The following KLHDC1 variants were observed in gnomAD, a reference collection of about 807,000 sequenced individuals.
KLHDC1 encodes the protein kelch domain containing 1.
KLHDC1 carries 53 observed loss-of-function variants against 68.3 expected under a neutral mutation model. The observed-to-expected ratio is 0.78, with a 90% CI of 0.62 to 0.98. The LOEUF is 0.98. KLHDC1 is among the 50% of genes least tolerant of loss of function. KLHDC1 has a pLI of 0.00. For synonymous variants in KLHDC1, 148 were observed against 159.0 expected (o/e 0.93, Z 0.52); for missense variants, 470 against 492.3 (o/e 0.95, Z 0.43).
At chr14:49,700,066 GC>G in intron 1 of KLHDC1, 1 of 314,394 alleles carries the variant, frequency 3.2e-6, no homozygotes, top group South Asian at 2.3e-5. Context: ...TCTCGCTCTT[GC>G]CCAGGCTGGA....
intron 8 of KLHDC1, among the ~76,000 whole-genome samples, chr14:49,731,526 A>G (rs78258567): frequency 0.037 from 5,684 of 151,834 alleles, 161 homozygotes; most frequent in Non-Finnish European, 0.056. Flanking sequence ...CTGGAATGCA[A>G]TGGCGCGACC....
chr14:49,697,258 A>G (rs912349082), intron 1 of KLHDC1, among the ~76,000 whole-genome samples: 7 of 152,146 alleles, frequency 4.6e-5, no homozygotes, highest in African/African-American at 1.7e-4. Flanking sequence ...ATATTGTTGT[A>G]TCTGAGGGAA....
intron 8 of KLHDC1, 32 bp downstream of exon 8, chr14:49,729,580 A>G (rs1249014196): frequency 5.6e-6 from 8 of 1,436,850 alleles, no homozygotes; most frequent in African/African-American, 1.4e-5. Flanking sequence ...GTTTTAATCT[A>G]TAGGCATGTG....
rs1331861404 is a variant in KLHDC1, at chr14:49,732,812, A to G, written c.819A>G (p.Pro273=). The G allele has an allele frequency of 4.9e-6, 7 of 1,416,390 alleles. No homozygotes were observed. The highest frequency in any genetic ancestry group is 2.8e-5 in the African/African-American group (2 of 70,968). The allele number at this position is 1,416,390 out of a possible 1,614,324, so 87.7% of individuals were successfully genotyped here. Residue 273 remains proline, a synonymous_variant, in exon 9 of 13, where the codon CCA becomes CCG. Coordinates refer to ENST00000359332, the MANE Select transcript of KLHDC1 (RefSeq NM_172193.3). ...LCGGLSADNI[P]LSDGWIHNVT... is the part of the protein sequence containing the mutation. ...GTGGACTAAGTGCAGATAATATCCC[A>G]TTAAGTAAGTTGATTAAGGTTTAGC... is the stretch of plus-strand genomic sequence containing the variant.
chr14:49,709,825 G>A lies in KLHDC1; in HGVS notation c.284G>A (p.Arg95Gln), dbSNP rs1457189831. The A allele has an allele frequency of 4.7e-6, 7 of 1,500,234 alleles. No homozygotes were observed. The highest frequency in any genetic ancestry group is 6.4e-6 in the Non-Finnish European group (7 of 1,099,834). 92.9% of individuals were successfully genotyped at this position (1,500,234 alleles called of 1,614,324 possible). Residue 95 changes from arginine (R) to glutamine (Q), a missense_variant and splice_region_variant, in exon 3 of 13, where the codon CGA becomes CAA. Physicochemically the swap from Arg to Gln is conservative, Grantham distance 43. Transcript: ENST00000359332. ...TATGATGACAAAGGATACAGCAATCGAGTAATAATTTCTTTAATTCAAGAG... is the reference window on the plus strand; with the variant it reads ...TATGATGACAAAGGATACAGCAATCAAGTAATAATTTCTTTAATTCAAGAG... ...GGYDDKGYSNRLYFVNLRTRD... is the reference protein window; with the variant it reads ...GGYDDKGYSNQLYFVNLRTRD...
At position 49,753,144 on chromosome 14, in the gene KLHDC1, CA is replaced by C. The variant is rs1340395918; in HGVS notation, c.*1378del. The C allele has an allele frequency of 1.3e-5, 2 of 151,938 alleles. No individual in the cohort carries two copies. Among genetic ancestry groups the C allele is most frequent in the Non-Finnish European group, 2.9e-5 (2 of 67,994 alleles). 9.4% of individuals were successfully genotyped at this position (151,938 alleles called of 1,614,324 possible). A position where few individuals can be genotyped will look rare whatever the true frequency, so the allele number is the denominator to read the frequency against. On this transcript the variant is annotated 3_prime_UTR_variant, in exon 13 of 13. Coordinates refer to ENST00000359332, the MANE Select transcript of KLHDC1 (RefSeq NM_172193.3). ...AAAGCAGTCATTAGAATTGATTATA[CA>C]AAAAATATTTCATTGTCAGTTTTCA... is the stretch of plus-strand genomic sequence containing the variant.
At chr14:49,716,672 C>A (rs1031501594) in intron 4 of KLHDC1, among the ~76,000 whole-genome samples, 8 of 152,158 alleles carry the variant, frequency 5.3e-5, no homozygotes, top group Non-Finnish European at 7.4e-5. Context: ...GCATGAGATA[C>A]CACGCCCGGC....
At chr14:49,750,953 T>A (rs2139773957) in intron 12 of KLHDC1, 1 of 152,232 alleles carries the variant, frequency 6.6e-6, no homozygotes, top group East Asian at 1.9e-4. Flanking sequence ...CGTGCAGTTG[T>A]TTATGGAAGA....
chr14:49,708,450 A>G (rs753549597), intron 1 of KLHDC1: 3 of 152,192 alleles, frequency 2.0e-5, no homozygotes, highest in Non-Finnish European at 4.4e-5. Flanking sequence ...TTTATGTAAA[A>G]ATTTATTTTA....
intron 1 of KLHDC1, among the ~76,000 whole-genome samples, chr14:49,693,970 T>G (rs1887659067): frequency 6.6e-6 from 1 of 151,884 alleles, no homozygotes; most frequent in Admixed American, 6.6e-5. Context: ...CAGGCTGGTC[T>G]TGAACTCGCG....
intron 1 of KLHDC1, chr14:49,707,682 CCT>C (rs1218135402): frequency 3.8e-4 from 50 of 130,100 alleles, no homozygotes; most frequent in African/African-American, 1.4e-3. Context: ...GCAGGGTCTG[CCT>C]CTGTCGCCCA....
chr14:49,718,392 C>T (rs118056915), intron 4 of KLHDC1, among the ~76,000 whole-genome samples: 2,486 of 152,114 alleles, frequency 0.016, 21 homozygotes, highest in Non-Finnish European at 0.026. Flanking sequence ...GTGATTCTCC[C>T]ACCTCAGCCT....
At chr14:49,698,722 G>A (rs944798874) in intron 1 of KLHDC1, among the ~76,000 whole-genome samples, 1 of 151,066 alleles carries the variant, frequency 6.6e-6, no homozygotes. Flanking sequence ...TGCCATGTTG[G>A]CCAGGCTGGT....
chr14:49,733,672 C>T (rs1039510464), intron 9 of KLHDC1, among the ~76,000 whole-genome samples: 2 of 152,142 alleles, frequency 1.3e-5, no homozygotes, highest in African/African-American at 4.8e-5. Context: ...CCACCCGCCT[C>T]AGCCTCCCAA....
chr14:49,750,404 C>A (rs1161268101), intron 12 of KLHDC1, among the ~76,000 whole-genome samples: 4 of 152,122 alleles, frequency 2.6e-5, no homozygotes, highest in African/African-American at 9.7e-5. Flanking sequence ...GGAGAGTTTC[C>A]CCTGGCTTGC....
At chr14:49,740,857 G>T (rs146927402) in intron 11 of KLHDC1, among the ~76,000 whole-genome samples, 26 of 152,204 alleles carry the variant, frequency 1.7e-4, no homozygotes, top group African/African-American at 6.3e-4. Context: ...CACTTTGGGA[G>T]GCCAAGGCAG....
In KLHDC1 at chr14:49,725,691, G is replaced by A. The variant is rs747400484; in HGVS notation, c.489G>A (p.Glu163=). 5.2e-6 allele frequency: 7 copies of A among 1,348,830 alleles called. No individual in the cohort carries two copies. Among genetic ancestry groups the A allele is most frequent in the Admixed American group, 2.6e-5 (1 of 37,992 alleles). 83.6% of individuals were successfully genotyped at this position (1,348,830 alleles called of 1,614,324 possible). The change falls in exon 6 of 13, where the codon GAG becomes GAA. Residue 163 remains glutamate, a synonymous_variant. Transcript: ENST00000359332. Reference sequence around the variant, plus strand: ...TTAAAACATTTCTCTTTTAGGAAGAGCAGATATTCTGGGGATGGCATAATG... The same window carrying A: ...TTAAAACATTTCTCTTTTAGGAAGAACAGATATTCTGGGGATGGCATAATG... ...CFDVHDASWE[E]QIFWGWHNDV...
chr14:49,744,286 GTA>G (rs1435137696), intron 12 of KLHDC1, among the ~76,000 whole-genome samples: 2 of 70,410 alleles, frequency 2.8e-5, no homozygotes, highest in African/African-American at 8.7e-5. Flanking sequence ...CTGAAAGCCT[GTA>G]TATATGTGTG....
chr14:49,703,159 CTTTATTG>C (rs1566595767), intron 1 of KLHDC1, among the ~76,000 whole-genome samples: 2 of 151,392 alleles, frequency 1.3e-5, no homozygotes, highest in Admixed American at 6.6e-5. Context: ...TAAACAATAC[CTTTATTG>C]TTTATTATGC....
Sources: gnomAD v4.1 joint callset for allele counts (sites outside exome capture counted in the v4.1 genomes callset) on GRCh38, gnomAD v4.1.1 for gene constraint, MANE v1.5 for transcripts, NCBI Gene and HGNC (gene_info 2026-07-23, HGNC 2026-07-21) for gene names.